TCERG1L: variants seen among roughly 807,000 people sequenced by gnomAD.
The protein encoded by TCERG1L is transcription elongation regulator 1 like, also known as transcription elongation regulator 1-like protein.
TCERG1L carries 37 observed loss-of-function variants against 56.3 expected under a neutral mutation model. That is an observed-to-expected ratio of 0.66 (90% confidence interval 0.51 to 0.87). The LOEUF (loss-of-function observed/expected upper bound fraction) is 0.87, where lower values mean the gene tolerates loss of function less well. Ranked by LOEUF, TCERG1L falls within the 40% of genes least tolerant of loss-of-function variation. TCERG1L has a pLI of 0.00. For synonymous variants in TCERG1L, 324 were observed against 326.3 expected, an observed-to-expected ratio of 0.99 and a Z score of 0.08; for missense variants, 799 against 774.2, an observed-to-expected ratio of 1.03 and a Z score of -0.38.
At chr10:131,266,919 G>A (rs147594537) in intron 3 of TCERG1L, among the ~76,000 whole-genome samples, 15 of 152,220 alleles carry the variant, frequency 9.9e-5, no homozygotes, top group Non-Finnish European at 2.2e-4. Flanking sequence ...ATGGGCCTCA[G>A]AGGGGAGGAA....
intron 8 of TCERG1L, among the ~76,000 whole-genome samples, chr10:131,117,283 A>T (rs1845469471): frequency 6.6e-6 from 1 of 152,218 alleles, no homozygotes; most frequent in Non-Finnish European, 1.5e-5. Flanking sequence ...GGCCCACGGC[A>T]GGGAAGCCAG....
intron 9 of TCERG1L, among the ~76,000 whole-genome samples, chr10:131,110,233 C>T (rs529663948): frequency 9.2e-5 from 14 of 152,340 alleles, no homozygotes; most frequent in South Asian, 2.1e-4. Context: ...GCAGACCACG[C>T]GGGCAAAGCA....
intron 4 of TCERG1L, among the ~76,000 whole-genome samples, chr10:131,202,850 T>C (rs1268140485): frequency 1.3e-5 from 2 of 152,236 alleles, no homozygotes; most frequent in African/African-American, 4.8e-5. Context: ...AAATAAAATA[T>C]GTTCATTTTT....
At chr10:131,104,580 C>G (rs1273095222) in intron 9 of TCERG1L, among the ~76,000 whole-genome samples, 1 of 152,198 alleles carries the variant, frequency 6.6e-6, no homozygotes, top group African/African-American at 2.4e-5. Context: ...CTATTTCTTT[C>G]TTGGGTATCT....
rs191041161 is a variant in TCERG1L at position 131,154,220 on chromosome 10, G to A, written c.1035-7560C>T. ...GTCTGGTACAGTACATCCACACCAA[G>A]CAGCCGCAATATAGGAAGGTCTGGG... On this transcript the variant is annotated intron_variant, in intron 6 of 11. Transcript: ENST00000368642. Among the ~76,000 whole-genome samples, 150 of 152,212 alleles carry A rather than the reference G, an allele frequency of 9.9e-4. 2 individuals are homozygous for A. The highest frequency in any genetic ancestry group is 3.5e-3 in the African/African-American group (145 of 41,528).
rs552449053 is a variant in TCERG1L at position 131,304,085 on chromosome 10, T to A, written c.670+4126A>T. Among the ~76,000 whole-genome samples, 542 of 152,066 alleles carry A rather than the reference T, an allele frequency of 3.6e-3. 2 individuals carry two copies. The highest frequency in any genetic ancestry group is 0.014 in the South Asian group (66 of 4,812). ...AAGAGAGGTACAGCCAGTGGTTTGT[T>A]GTGGTTTGGTTTGTTTTGCCCATCA... On this transcript the variant is annotated intron_variant, in intron 3 of 11. Coordinates refer to ENST00000368642, the MANE Select transcript of TCERG1L (RefSeq NM_174937.4).
intron 8 of TCERG1L, among the ~76,000 whole-genome samples, chr10:131,122,710 C>T (rs935566610): frequency 3.3e-4 from 50 of 152,174 alleles, no homozygotes; most frequent in African/African-American, 1.0e-3. Flanking sequence ...AGCAAATTAT[C>T]AAACTTGAAG....
chr10:131,309,092 C>A, intron 2 of TCERG1L, 61 bp downstream of exon 2: 1 of 1,557,342 alleles, frequency 6.4e-7, no homozygotes, highest in South Asian at 1.2e-5. Flanking sequence ...GTTGTTATGT[C>A]GATGTTCGAC....
At chr10:131,154,105 C>T (rs1845894609) in intron 6 of TCERG1L, among the ~76,000 whole-genome samples, 1 of 152,194 alleles carries the variant, frequency 6.6e-6, no homozygotes, top group African/African-American at 2.4e-5. Flanking sequence ...TCTTTAATCA[C>T]ACTGTATAAT....
chr10:131,241,665 A>T (rs1564823675), intron 4 of TCERG1L, among the ~76,000 whole-genome samples: 1 of 152,040 alleles, frequency 6.6e-6, no homozygotes, highest in Non-Finnish European at 1.5e-5. Flanking sequence ...GAGGACATGC[A>T]TGAACACAGT....
At chr10:131,208,506 T>C (rs1166094378) in intron 4 of TCERG1L, among the ~76,000 whole-genome samples, 10 of 152,236 alleles carry the variant, frequency 6.6e-5, no homozygotes. Flanking sequence ...CTTCTCATGT[T>C]GTGTCTGAGC....
chr10:131,119,110 C>A lies in TCERG1L; in HGVS notation c.1260-2176G>T, dbSNP rs1333193229. Among the ~76,000 whole-genome samples, 5 of 152,276 alleles carry A rather than the reference C, an allele frequency of 3.3e-5. No homozygotes were observed. In the East Asian group the frequency reaches 7.7e-4, roughly 24 times the overall value. On this transcript the variant is annotated intron_variant, in intron 8 of 11. Coordinates refer to ENST00000368642, the MANE Select transcript of TCERG1L (RefSeq NM_174937.4). The stretch of plus-strand genomic sequence containing the variant: ...AGGAAAAGGTCATCTAGTGGCCAGA[C>A]CCGGCCGTCCAGGCCTCCCAACACC...
chr10:131,145,423 C>A (rs1365859565), intron 7 of TCERG1L, among the ~76,000 whole-genome samples: 1 of 152,190 alleles, frequency 6.6e-6, no homozygotes, highest in Non-Finnish European at 1.5e-5. Context: ...TCCATATGGA[C>A]CTTGGAGATT....
At chr10:131,236,366 A>G (rs1276637912) in intron 4 of TCERG1L, among the ~76,000 whole-genome samples, 6 of 152,228 alleles carry the variant, frequency 3.9e-5, no homozygotes, top group Non-Finnish European at 8.8e-5. Flanking sequence ...AGCCATGGAA[A>G]TCAGCCTCAG....
chr10:131,307,849 G>A (rs1369853688), intron 3 of TCERG1L, among the ~76,000 whole-genome samples: 1 of 151,976 alleles, frequency 6.6e-6, no homozygotes, highest in Non-Finnish European at 1.5e-5. Flanking sequence ...TTCCTTGCAC[G>A]TCGCCACAGA....
At chr10:131,137,953 C>A (rs556611513) in intron 7 of TCERG1L, among the ~76,000 whole-genome samples, 2 of 152,114 alleles carry the variant, frequency 1.3e-5, no homozygotes, top group African/African-American at 4.8e-5. Flanking sequence ...CAGACACTTA[C>A]AACAGCTAGG....
At chr10:131,141,849 CA>C (rs1845742250) in intron 7 of TCERG1L, among the ~76,000 whole-genome samples, 1 of 152,142 alleles carries the variant, frequency 6.6e-6, no homozygotes, top group Admixed American at 6.5e-5. Flanking sequence ...CCCAGCCTCC[CA>C]GCTGAGGCCA....
chr10:131,148,209 C>G (rs987738775), intron 6 of TCERG1L, among the ~76,000 whole-genome samples: 1 of 152,184 alleles, frequency 6.6e-6, no homozygotes, highest in Non-Finnish European at 1.5e-5. Flanking sequence ...ATTCAGGTGG[C>G]CCCAAATGTA....
At chr10:131,125,939 A>G (rs953665351) in intron 8 of TCERG1L, among the ~76,000 whole-genome samples, 19 of 152,184 alleles carry the variant, frequency 1.2e-4, no homozygotes, top group African/African-American at 4.3e-4. Context: ...GCCAGTGCAC[A>G]CAGATGGGGC....
Sources: gnomAD v4.1 joint callset for allele counts (sites outside exome capture counted in the v4.1 genomes callset) on GRCh38, gnomAD v4.1.1 for gene constraint, MANE v1.5 for transcripts, NCBI Gene and HGNC (gene_info 2026-07-23, HGNC 2026-07-21) for gene names.